Variants in PHKG2 observed in about 807,000 individuals in gnomAD.
PHKG2 encodes the protein phosphorylase b kinase gamma catalytic chain, liver/testis isoform.
A neutral mutation model predicts 44.5 loss-of-function variants in PHKG2; 28 were observed. The observed-to-expected ratio is 0.63, with a 90% CI of 0.47 to 0.86. The LOEUF (loss-of-function observed/expected upper bound fraction) is 0.86. Ranked by LOEUF, PHKG2 falls within the 40% of genes least tolerant of loss-of-function variation. The pLI, the probability that PHKG2 is intolerant of heterozygous loss-of-function variation, is 0.00. For missense variants in PHKG2, 498 were observed against 547.5 expected, an observed-to-expected ratio of 0.91 and a Z score of 0.90; for synonymous variants, 220 against 211.2, an observed-to-expected ratio of 1.04 and a Z score of -0.36.
At chr16:30,755,535 G>T (rs980807335) in intron 6 of PHKG2, among the ~76,000 whole-genome samples, 1 of 152,092 alleles carries the variant, frequency 6.6e-6, no homozygotes, top group Non-Finnish European at 1.5e-5. Context: ...AATTAGCCAG[G>T]CGTGGTGGCA....
intron 2 of PHKG2, among the ~76,000 whole-genome samples, chr16:30,749,151 GTGGTGC>G (rs2053306067): frequency 1.5e-4 from 3 of 20,054 alleles, no homozygotes; most frequent in Non-Finnish European, 3.2e-4. Context: ...GGTGCTGGTG[GTGGTGC>G]TGGTGGTGGT....
chr16:30,749,157 CTGG>C (rs1465872278), intron 2 of PHKG2, among the ~76,000 whole-genome samples: 1,699 of 49,132 alleles, frequency 0.035, 186 homozygotes, highest in Middle Eastern at 0.075. Flanking sequence ...GGTGGTGGTG[CTGG>C]TGGTGGTGGT....
chr16:30,751,153 AC>A lies in PHKG2; in HGVS notation c.144del (p.His48GlnfsTer5). The A allele has an allele frequency of 6.2e-7, 1 of 1,613,984 alleles. No homozygotes were observed. Among genetic ancestry groups the A allele is most frequent in the South Asian group, 1.1e-5 (1 of 91,082 alleles). ...VRRCVHRATG[H>X]EFAVKIMEVT... ...CGTTGTGTTCATCGAGCTACTGGCC[AC>A]GAGTTTGCGGTGAAGATTATGGAAG... On this transcript the variant is annotated frameshift_variant, in exon 3 of 10. Coordinates refer to ENST00000563588, the MANE Select transcript of PHKG2 (RefSeq NM_000294.3). LOFTEE classifies it high-confidence loss of function.
intron 6 of PHKG2, among the ~76,000 whole-genome samples, chr16:30,754,652 A>G (rs1348069969): frequency 1.3e-5 from 2 of 152,108 alleles, no homozygotes; most frequent in Non-Finnish European, 2.9e-5. Flanking sequence ...GTGGACCCAC[A>G]TGTCTGGTGG....
In PHKG2 at chr16:30,757,538, A is replaced by G. The variant is rs1034759971; in HGVS notation, c.*441A>G. 8 of 1,614,100 alleles carry G rather than the reference A, an allele frequency of 5.0e-6. No individual in the cohort carries two copies. In the Admixed American group the frequency reaches 5.0e-5, roughly 10 times the overall value. The stretch of plus-strand genomic sequence containing the variant: ...TGGAAGGGCCGCTCTAGTGCAGTCA[A>G]CTTGCTGCTGAGCCTTTCCTCGCTG... On this transcript the variant is annotated 3_prime_UTR_variant, in exon 10 of 10. Coordinates refer to ENST00000563588, the MANE Select transcript of PHKG2 (RefSeq NM_000294.3).
intron 1 of PHKG2, 63 bp from the exon 2 acceptor site, chr16:30,748,740 C>G (rs1383775724): frequency 1.0e-6 from 1 of 992,414 alleles, no homozygotes; most frequent in Non-Finnish European, 1.5e-6. Flanking sequence ...CCGGGAGCCG[C>G]CATGCGGGTC....
At chr16:30,748,729 C>A in intron 1 of PHKG2, 74 bp from the exon 2 acceptor site, 1 of 791,202 alleles carries the variant, frequency 1.3e-6, no homozygotes, top group Non-Finnish European at 2.1e-6. Context: ...GGGCTGCGCC[C>A]CCGGGAGCCG....
intron 6 of PHKG2, chr16:30,754,855 T>TA (rs760630506): frequency 6.6e-5 from 30 of 456,082 alleles, no homozygotes; most frequent in South Asian, 4.6e-4. Flanking sequence ...ACTGTATTGT[T>TA]ATTTCTCACT....
rs1567263805 is a variant in PHKG2 at position 30,756,790 on chromosome 16, G to GCC, written c.928-9_928-8dup. 1 of 1,614,078 alleles carries GCC rather than the reference G, an allele frequency of 6.2e-7. No individual in the cohort carries two copies. Among genetic ancestry groups the GCC allele is most frequent in the Non-Finnish European group, 8.5e-7 (1 of 1,180,024 alleles). On this transcript the variant is annotated splice_polypyrimidine_tract_variant and intron_variant, in intron 9 of 9. Coordinates refer to ENST00000563588, the MANE Select transcript of PHKG2 (RefSeq NM_000294.3). Reference sequence around the variant, plus strand: ...TTTCCCCTGCACTAGAGCTCACCCTGCCCCCCTTCCCAGGTGGCAGTGTGG... The same window carrying GCC: ...TTTCCCCTGCACTAGAGCTCACCCTGCCCCCCCCTTCCCAGGTGGCAGTGTGG...
At position 30,757,311 on chromosome 16, in the gene PHKG2, G is replaced by A. The variant is rs1384838356; in HGVS notation, c.*214G>A. 45 of 1,535,114 alleles carry A rather than the reference G, an allele frequency of 2.9e-5. No individual in the cohort carries two copies. The highest frequency in any genetic ancestry group is 2.2e-4 in the Middle Eastern group (1 of 4,606). ...CCATTCTGAACGCCACGCCTGGCCC[G>A]GTCAGTGCTGCATGCACTGCATATG... On this transcript the variant is annotated 3_prime_UTR_variant, in exon 10 of 10. Coordinates refer to ENST00000563588, the MANE Select transcript of PHKG2 (RefSeq NM_000294.3).
intron 7 of PHKG2, 36 bp downstream of exon 7, chr16:30,756,308 C>T (rs745335209): frequency 1.2e-6 from 2 of 1,614,072 alleles, no homozygotes; most frequent in African/African-American, 1.3e-5. Context: ...CCCGTGCTTG[C>T]TGTCCTTTGC....
At chr16:30,752,611 A>T (rs2053366424) in intron 4 of PHKG2, 1 of 154,520 alleles carries the variant, frequency 6.5e-6, no homozygotes, top group Non-Finnish European at 1.4e-5. Flanking sequence ...AAAGATTTAA[A>T]AGAGGCCCTT....
Position 30,753,316 on chromosome 16 carries a change from G to A in PHKG2, c.392+19G>A. ...AAACCAGGTAAGGGTTGAGCCTGAA[G>A]CCCCAGGGGTGAGCAGGGGGTGGGA... is the stretch of plus-strand genomic sequence containing the variant. On this transcript the variant is annotated intron_variant, in intron 5 of 9. Coordinates refer to ENST00000563588, the MANE Select transcript of PHKG2 (RefSeq NM_000294.3). 6.2e-7 allele frequency: 1 copy of A among 1,613,324 alleles called. No homozygotes were observed. Among genetic ancestry groups the A allele is most frequent in the Non-Finnish European group, 8.5e-7 (1 of 1,179,296 alleles).
At position 30,757,428 on chromosome 16, in the gene PHKG2, G is replaced by T; in HGVS notation, c.*331G>T. On this transcript the variant is annotated 3_prime_UTR_variant, in exon 10 of 10. Transcript: ENST00000563588. ...CCAGAAGGTGCTCAGCAGGGTGCAG[G>T]GATGGTGCCATTCTGGCCCAGACCT... 1 of 1,587,686 alleles carries T rather than the reference G, an allele frequency of 6.3e-7. No individual in the cohort carries two copies.
At chr16:30,751,662 G>A in intron 4 of PHKG2, 59 bp downstream of exon 4, 4 of 1,392,228 alleles carry the variant, frequency 2.9e-6, no homozygotes, top group Non-Finnish European at 4.1e-6. Flanking sequence ...GTATGGCCCA[G>A]CATTTGTGGT....
chr16:30,760,143 C>T lies in PHKG2; in HGVS notation c.*3046C>T. On this transcript the variant is annotated 3_prime_UTR_variant, in exon 10 of 10. Coordinates refer to ENST00000563588, the MANE Select transcript of PHKG2 (RefSeq NM_000294.3). ...GATAAGGAAGCAGTGGATTGGAAAGCTGATGGCTTGTGTATGATGATGCTA... is the reference window on the plus strand; with the variant it reads ...GATAAGGAAGCAGTGGATTGGAAAGTTGATGGCTTGTGTATGATGATGCTA... The T allele has an allele frequency of 6.4e-7, 1 of 1,568,650 alleles. No homozygotes were observed. The highest frequency in any genetic ancestry group is 8.6e-7 in the Non-Finnish European group (1 of 1,163,966).
chr16:30,752,642 T>G (rs2053366835), intron 4 of PHKG2: 1 of 153,998 alleles, frequency 6.5e-6, no homozygotes, highest in African/African-American at 2.4e-5. Flanking sequence ...CATGAAGGCT[T>G]CGATATATTT....
At position 30,753,526 on chromosome 16, in the gene PHKG2, C is replaced by T; in HGVS notation, c.525C>T (p.Ser175=). 1 of 1,614,150 alleles carries T rather than the reference C, an allele frequency of 6.2e-7. No homozygotes were observed. Among genetic ancestry groups the T allele is most frequent in the Non-Finnish European group, 8.5e-7 (1 of 1,180,026 alleles). The part of the protein sequence containing the change: ...MQIRLSDFGF[S]CHLEPGEKLR... Reference sequence around the variant, plus strand: ...TCCGACTTTCAGATTTCGGGTTCTCCTGCCACTTGGAACCTGGCGAGAAGC... The same window carrying T: ...TCCGACTTTCAGATTTCGGGTTCTCTTGCCACTTGGAACCTGGCGAGAAGC... Residue 175 remains serine (S), a synonymous_variant, in exon 6 of 10, where the codon TCC becomes TCT. Transcript: ENST00000563588.
In PHKG2 at chr16:30,751,152, C is replaced by T. The variant is rs202145162; in HGVS notation, c.142C>T (p.His48Tyr). ...CCGTTGTGTTCATCGAGCTACTGGCCACGAGTTTGCGGTGAAGATTATGGA... is the reference window on the plus strand; with the variant it reads ...CCGTTGTGTTCATCGAGCTACTGGCTACGAGTTTGCGGTGAAGATTATGGA... ...VRRCVHRATGHEFAVKIMEVT... is the reference protein window; with the variant it reads ...VRRCVHRATGYEFAVKIMEVT... Residue 48 changes from histidine to tyrosine, a missense_variant, in exon 3 of 10, where the codon CAC (histidine) becomes TAC (tyrosine). Transcript: ENST00000563588. The T allele has an allele frequency of 1.2e-6, 2 of 1,613,982 alleles. No homozygotes were observed. The highest frequency in any genetic ancestry group is 2.2e-5 in the East Asian group (1 of 44,890).
Sources: allele counts gnomAD v4.1 joint callset (sites outside exome capture counted in the v4.1 genomes callset), GRCh38; gene constraint gnomAD v4.1.1; transcripts MANE v1.5; gene names NCBI Gene and HGNC (gene_info 2026-07-23, HGNC 2026-07-21).